SPATA31D1: variants seen among roughly 807,000 people sequenced by gnomAD.
The protein encoded by SPATA31D1 is spermatogenesis-associated protein 31D1.
Under a neutral mutation model 13.2 loss-of-function variants are expected in SPATA31D1, and 6 were observed. The ratio of observed to expected loss-of-function variants is 0.46; its 90% CI spans 0.25 to 0.90. SPATA31D1 has a LOEUF of 0.90. Among genes scored for constraint, SPATA31D1 ranks in the 40% least tolerant of loss-of-function variants. SPATA31D1 has a pLI of 0.18. For synonymous variants in SPATA31D1, 903 were observed against 718.8 expected (o/e 1.26, Z -4.10); for missense variants, 2,445 against 1,884.7 (o/e 1.30, Z -5.50).
At position 81,993,240 on chromosome 9, in the gene SPATA31D1, G is replaced by A. The variant is rs753660945; in HGVS notation, c.2770G>A (p.Glu924Lys). ...MLWGLPLKVL[E>K]SIEIFKSKAD... The stretch of plus-strand genomic sequence containing the variant: ...GTGGGGCCTTCCCCTCAAGGTCCTT[G>A]AATCCATAGAAATCTTCAAATCGAA... The change falls in exon 4 of 4, where the codon GAA (glutamate) becomes AAA (lysine). Residue 924 changes from glutamate (E) to lysine (K), a missense_variant. Transcript: ENST00000344803. 1 of 1,613,968 alleles carries A rather than the reference G, an allele frequency of 6.2e-7. No homozygotes were observed. Among genetic ancestry groups the A allele is most frequent in the Non-Finnish European group, 8.5e-7 (1 of 1,179,894 alleles).
rs2133441970 is a variant in SPATA31D1, at chr9:81,992,908, C to T, written c.2438C>T (p.Ser813Leu). ...RDLETHMMHL[S>L]GNDSGVRLGQ... ...CTAGAAACTCATATGATGCATCTGT[C>T]AGGGAATGACTCAGGGGTGAGACTA... Residue 813 changes from serine (S) to leucine (L), a missense_variant, in exon 4 of 4, where the codon TCA (serine) becomes TTA (leucine). Ser to Leu is a moderately radical substitution (Grantham distance 145, BLOSUM62 -2). Coordinates refer to ENST00000344803, the MANE Select transcript of SPATA31D1 (RefSeq NM_001001670.3). 2 of 1,613,760 alleles carry T rather than the reference C, an allele frequency of 1.2e-6. No homozygotes were observed. Among genetic ancestry groups the T allele is most frequent in the Middle Eastern group, 1.7e-4 (1 of 6,056 alleles).
At position 81,992,307 on chromosome 9, in the gene SPATA31D1, G is replaced by C. The variant is rs1450822057; in HGVS notation, c.1837G>C (p.Ala613Pro). ...GVCFHRPQNE[A>P]RSLLPSEINH... ...GTGTTTTCATAGACCCCAGAACGAG[G>C]CACGGTCTCTTTTGCCATCTGAAAT... is the stretch of plus-strand genomic sequence containing the variant. The change falls in exon 4 of 4, where the codon GCA (alanine) becomes CCA (proline). Residue 613 changes from alanine to proline, a missense_variant. Ala to Pro is a conservative substitution (Grantham distance 27, BLOSUM62 -1). Coordinates refer to ENST00000344803, the MANE Select transcript of SPATA31D1 (RefSeq NM_001001670.3). The C allele has an allele frequency of 6.2e-7, 1 of 1,613,786 alleles. No homozygotes were observed. The highest frequency in any genetic ancestry group is 8.5e-7 in the Non-Finnish European group (1 of 1,179,736).
rs1444204107 is a variant in SPATA31D1, at chr9:81,993,205, T to C, written c.2735T>C (p.Met912Thr). The change falls in exon 4 of 4, where the codon ATG becomes ACG. Residue 912 changes from methionine (M) to threonine (T), a missense_variant. By Grantham distance (81) the Met-to-Thr change is moderately conservative. Coordinates refer to ENST00000344803, the MANE Select transcript of SPATA31D1 (RefSeq NM_001001670.3). ...GAAGCCCATATTAAAACTTTCCGTATGAGGATGCTGTGGGGCCTTCCCCTC... is the reference window on the plus strand; with the variant it reads ...GAAGCCCATATTAAAACTTTCCGTACGAGGATGCTGTGGGGCCTTCCCCTC... ...MLEAHIKTFR[M>T]RMLWGLPLKV... is the part of the protein sequence containing the mutation. 7 of 1,613,882 alleles carry C rather than the reference T, an allele frequency of 4.3e-6. No homozygotes were observed. The highest frequency in any genetic ancestry group is 1.6e-4 in the Middle Eastern group (1 of 6,084).
Position 81,993,704 on chromosome 9 carries a change from T to A in SPATA31D1, c.3234T>A (p.Ser1078Arg), listed in dbSNP as rs779675014. ...ATACTGACAATGATCTTACAGAAAG[T>A]GTCCGGACAACAGAGGATGGCAGAC... ...FSDTDNDLTE[S>R]VRTTEDGRQT... Residue 1078 changes from serine (S) to arginine (R), a missense_variant, in exon 4 of 4, where the codon AGT (serine) becomes AGA (arginine). Ser to Arg is a moderately radical substitution (Grantham distance 110, BLOSUM62 -1). Transcript: ENST00000344803. The A allele has an allele frequency of 7.4e-6, 12 of 1,613,960 alleles. No individual in the cohort carries two copies. In the East Asian group the frequency reaches 2.7e-4, roughly 36 times the overall value.
chr9:81,994,392 G>A lies in SPATA31D1; in HGVS notation c.3922G>A (p.Asp1308Asn), dbSNP rs758009374. ...CAAAGGAGGAGAGCTTGATGGAGGGGATGCAGGGCTGGGGACATCCCAACG... is the reference window on the plus strand; with the variant it reads ...CAAAGGAGGAGAGCTTGATGGAGGGAATGCAGGGCTGGGGACATCCCAACG... ...RPKGGELDGGDAGLGTSQRRR... is the reference protein window; with the variant it reads ...RPKGGELDGGNAGLGTSQRRR... Residue 1308 changes from aspartate (D) to asparagine (N), a missense_variant, in exon 4 of 4, where the codon GAT becomes AAT. By Grantham distance (23) the Asp-to-Asn change is conservative. Transcript: ENST00000344803. The A allele has an allele frequency of 1.2e-6, 2 of 1,613,818 alleles. No homozygotes were observed. Among genetic ancestry groups the A allele is most frequent in the African/African-American group, 2.7e-5 (2 of 74,920 alleles).
rs1261361941 is a variant in SPATA31D1, at chr9:81,991,365, C to T, written c.895C>T (p.Pro299Ser). Residue 299 changes from proline to serine, a missense_variant, in exon 4 of 4, where the codon CCA (proline) becomes TCA (serine). Pro to Ser is a moderately conservative substitution (Grantham distance 74). Transcript: ENST00000344803. ...IDSCARHHGP[P>S]IPSALPPEDC... ...TTCTTGTGCTCGTCATCACGGACCA[C>T]CAATCCCATCTGCTTTACCACCGGA... 6.2e-7 allele frequency: 1 copy of T among 1,614,006 alleles called. No individual in the cohort carries two copies. Among genetic ancestry groups the T allele is most frequent in the Non-Finnish European group, 8.5e-7 (1 of 1,179,900 alleles).
chr9:81,993,389 G>A lies in SPATA31D1; in HGVS notation c.2919G>A (p.Lys973=). 2 of 1,613,944 alleles carry A rather than the reference G, an allele frequency of 1.2e-6. No homozygotes were observed. The highest frequency in any genetic ancestry group is 1.7e-6 in the Non-Finnish European group (2 of 1,179,886). Residue 973 remains lysine (K), a synonymous_variant, in exon 4 of 4, where the codon AAG becomes AAA. Coordinates refer to ENST00000344803, the MANE Select transcript of SPATA31D1 (RefSeq NM_001001670.3). Reference sequence around the variant, plus strand: ...GTCGAAGCACTTTTCAAGGAGAAAAGTTGGGAACAACAAGCTCAGTCCCCA... The same window carrying A: ...GTCGAAGCACTTTTCAAGGAGAAAAATTGGGAACAACAAGCTCAGTCCCCA... ...SRSRSTFQGE[K]LGTTSSVPIL...
Position 81,995,162 on chromosome 9 carries a change from A to G in SPATA31D1, c.4692A>G (p.Pro1564=). Residue 1564 remains proline (P), a synonymous_variant, in exon 4 of 4, where the codon CCA becomes CCG. Transcript: ENST00000344803. The part of the protein sequence containing the change: ...VPFLTGQKML[P]KHLQGGKFPP... ...TCCTAACTGGACAGAAAATGCTTCCAAAGCATTTACAGGGAGGAAAATTTC... is the reference window on the plus strand; with the variant it reads ...TCCTAACTGGACAGAAAATGCTTCCGAAGCATTTACAGGGAGGAAAATTTC... The G allele has an allele frequency of 3.2e-6, 5 of 1,571,076 alleles. No homozygotes were observed. Among genetic ancestry groups the G allele is most frequent in the Non-Finnish European group, 4.3e-6 (5 of 1,157,338 alleles).
Position 81,991,649 on chromosome 9 carries a change from C to T in SPATA31D1, c.1179C>T (p.His393=), listed in dbSNP as rs1587529119. 1.9e-6 allele frequency: 3 copies of T among 1,613,972 alleles called. No individual in the cohort carries two copies. The highest frequency in any genetic ancestry group is 2.5e-6 in the Non-Finnish European group (3 of 1,179,888). The change falls in exon 4 of 4, where the codon CAC becomes CAT. Residue 393 remains histidine (H), a synonymous_variant. Transcript: ENST00000344803. ...LHSSEAFLGG[H]SVANLIEPVN... is the part of the protein sequence containing the mutation. ...CTTCTGAGGCCTTTTTAGGGGGGCA[C>T]TCTGTGGCCAACCTCATAGAGCCTG...
upstream of SPATA31D1, among the ~76,000 whole-genome samples, chr9:81,987,695 G>C (rs964065603): frequency 2.6e-5 from 4 of 152,052 alleles, no homozygotes; most frequent in Admixed American, 1.3e-4. Context: ...TTGTTTTATA[G>C]ATGTTAAATA....
At chr9:81,989,991 C>T in intron 2 of SPATA31D1, 168 bp downstream of exon 2, 1 of 731,076 alleles carries the variant, frequency 1.4e-6, no homozygotes, top group South Asian at 1.9e-5. Context: ...AGACACTGCT[C>T]AGAGGCCCTG....
chr9:81,992,466 G>A lies in SPATA31D1; in HGVS notation c.1996G>A (p.Val666Ile). Residue 666 changes from valine (V) to isoleucine (I), a missense_variant, in exon 4 of 4, where the codon GTC becomes ATC. Val to Ile is a conservative substitution (Grantham distance 29, BLOSUM62 3). Coordinates refer to ENST00000344803, the MANE Select transcript of SPATA31D1 (RefSeq NM_001001670.3). Reference sequence around the variant, plus strand: ...TGAATTGGTCAGAAAGTCCTTCAAGGTCCATGTTCCGATCTCCATCATTCC... The same window carrying A: ...TGAATTGGTCAGAAAGTCCTTCAAGATCCATGTTCCGATCTCCATCATTCC... Reference protein sequence around the residue: ...NPELVRKSFKVHVPISIIPGD... With the variant: ...NPELVRKSFKIHVPISIIPGD... 1 of 1,612,208 alleles carries A rather than the reference G, an allele frequency of 6.2e-7. No individual in the cohort carries two copies.
chr9:81,989,335 C>T (rs1397704006), intron 1 of SPATA31D1, among the ~76,000 whole-genome samples: 1 of 152,176 alleles, frequency 6.6e-6, no homozygotes, highest in Non-Finnish European at 1.5e-5. Context: ...GGAGAACGGT[C>T]TCTGCTGAAA....
Position 81,989,779 on chromosome 9 carries a change from A to C in SPATA31D1, c.188A>C (p.His63Pro). Reference sequence around the variant, plus strand: ...TCATTATCTGTCTTTTGTTCTCAGCATCAGGGCAGAGCCAAGAGGAGAAGG... The same window carrying C: ...TCATTATCTGTCTTTTGTTCTCAGCCTCAGGGCAGAGCCAAGAGGAGAAGG... ...PTEKNNDIQK[H>P]QGRAKRRRKG... The change falls in exon 2 of 4, where the codon CAT (histidine) becomes CCT (proline). Residue 63 changes from histidine to proline, a missense_variant and splice_region_variant. Coordinates refer to ENST00000344803, the MANE Select transcript of SPATA31D1 (RefSeq NM_001001670.3). The C allele has an allele frequency of 6.2e-7, 1 of 1,613,726 alleles. No homozygotes were observed. The highest frequency in any genetic ancestry group is 1.1e-5 in the South Asian group (1 of 91,076).
chr9:81,992,422 G>A lies in SPATA31D1; in HGVS notation c.1952G>A (p.Cys651Tyr), dbSNP rs767483666. The A allele has an allele frequency of 1.2e-6, 2 of 1,613,208 alleles. No individual in the cohort carries two copies. The highest frequency in any genetic ancestry group is 1.7e-6 in the Non-Finnish European group (2 of 1,179,722). The change falls in exon 4 of 4, where the codon TGT becomes TAT. Residue 651 changes from cysteine (C) to tyrosine (Y), a missense_variant. Cys to Tyr is a radical substitution (Grantham distance 194, BLOSUM62 -2). Transcript: ENST00000344803. ...GTTCAAAAATCCCAGGAAGACTTTT[G>A]TCCTCCAGCTCCCAATCCTGAATTG... ...SVVQKSQEDF[C>Y]PPAPNPELVR...
At chr9:81,990,712 T>C in intron 3 of SPATA31D1, 61 bp from the exon 4 acceptor site, 1 of 1,543,504 alleles carries the variant, frequency 6.5e-7, no homozygotes, top group Non-Finnish European at 8.8e-7. Context: ...CAGCAGGCTT[T>C]AGGGAACCCA....
Position 81,991,109 on chromosome 9 carries a change from A to C in SPATA31D1, c.639A>C (p.Ser213=), listed in dbSNP as rs1587528316. 1 of 1,612,162 alleles carries C rather than the reference A, an allele frequency of 6.2e-7. No individual in the cohort carries two copies. The highest frequency in any genetic ancestry group is 8.5e-7 in the Non-Finnish European group (1 of 1,179,412). ...DLITTLADLF[S]PSPLRDPLPP... The stretch of plus-strand genomic sequence containing the variant: ...TCACCACCTTAGCTGACTTATTTTC[A>C]CCCTCACCACTGAGGGACCCTCTGC... Residue 213 remains serine, a synonymous_variant, in exon 4 of 4, where the codon TCA becomes TCC. Coordinates refer to ENST00000344803, the MANE Select transcript of SPATA31D1 (RefSeq NM_001001670.3).
chr9:81,993,653 G>A lies in SPATA31D1; in HGVS notation c.3183G>A (p.Gln1061=). The change falls in exon 4 of 4, where the codon CAG becomes CAA. Residue 1061 remains glutamine, a synonymous_variant. Coordinates refer to ENST00000344803, the MANE Select transcript of SPATA31D1 (RefSeq NM_001001670.3). ...CTTCACCTGTCAACCAAGAAAAGCA[G>A]GGGACCCTGAGAAGAGAATTCTCTG... The part of the protein sequence containing the change: ...LVTSPVNQEK[Q]GTLRREFSDT... 1 of 1,614,002 alleles carries A rather than the reference G, an allele frequency of 6.2e-7. No individual in the cohort carries two copies. Among genetic ancestry groups the A allele is most frequent in the South Asian group, 1.1e-5 (1 of 91,076 alleles).
In SPATA31D1 at chr9:81,995,189, C is replaced by G; in HGVS notation, c.4719C>G (p.Pro1573=). The G allele has an allele frequency of 1.3e-6, 2 of 1,525,284 alleles. No individual in the cohort carries two copies. Among genetic ancestry groups the G allele is most frequent in the Non-Finnish European group, 1.8e-6 (2 of 1,134,972 alleles). 94.5% of individuals were successfully genotyped at this position (1,525,284 alleles called of 1,614,324 possible). ...LPKHLQGGKF[P]PTK ...AGCATTTACAGGGAGGAAAATTTCC[C>G]CCCACAAAATAATTCACTCCTTGTT... Residue 1573 remains proline (P), a synonymous_variant, in exon 4 of 4, where the codon CCC becomes CCG. Transcript: ENST00000344803.
Sources: allele counts gnomAD v4.1 joint callset (sites outside exome capture counted in the v4.1 genomes callset), GRCh38; gene constraint gnomAD v4.1.1; transcripts MANE v1.5; gene names NCBI Gene and HGNC (gene_info 2026-07-23, HGNC 2026-07-21).